UBE2E3: variants seen among roughly 807,000 people sequenced by gnomAD.
UBE2E3 encodes ubiquitin-conjugating enzyme E2 E3.
In UBE2E3, 5 loss-of-function variants were observed where a neutral mutation model predicts 23.6. That is an observed-to-expected ratio of 0.21 (90% CI 0.11 to 0.44). The LOEUF (loss-of-function observed/expected upper bound fraction) is 0.44. Ranked by LOEUF, UBE2E3 falls within the 20% of genes least tolerant of loss-of-function variation. The pLI, the probability that UBE2E3 is intolerant of heterozygous loss-of-function variation, is 0.99. For missense variants in UBE2E3, 81 were observed against 249.8 expected, an observed-to-expected ratio of 0.32 and a Z score of 4.55; for synonymous variants, 78 against 87.5, an observed-to-expected ratio of 0.89 and a Z score of 0.60.
At chr2:180,997,715 T>C (rs1049431146) in intron 3 of UBE2E3, among the ~76,000 whole-genome samples, 5 of 152,176 alleles carry the variant, frequency 3.3e-5, no homozygotes, top group African/African-American at 7.2e-5. Flanking sequence ...AAAAGTCTTA[T>C]GTTGTAGCAA....
chr2:181,042,245 C>A (rs1204411416), intron 3 of UBE2E3, among the ~76,000 whole-genome samples: 3 of 152,198 alleles, frequency 2.0e-5, no homozygotes. Context: ...CTGAGCATTG[C>A]TCAGTCTTTC....
chr2:181,058,810 C>T lies in UBE2E3; in HGVS notation c.378+985C>T, dbSNP rs139362958. 3.0e-3 allele frequency among the ~76,000 whole-genome samples: 448 copies of T among 151,772 alleles called. 3 individuals are homozygous for T. The highest frequency in any genetic ancestry group is 0.01 in the African/African-American group (432 of 41,442). ...AGTAACTTATTGTCTAACAAGGTAA[C>T]GAGTGCCATCTAGTGGTATTTACCC... On this transcript the variant is annotated intron_variant, in intron 4 of 5. Transcript: ENST00000410062.
At chr2:180,989,578 C>T (rs775112626) in intron 3 of UBE2E3, among the ~76,000 whole-genome samples, 135 of 152,204 alleles carry the variant, frequency 8.9e-4, no homozygotes, top group Non-Finnish European at 7.5e-4. Context: ...TTCCTCCATA[C>T]GTGCCAGTGT....
At chr2:181,057,612 C>T (rs1053497310) in intron 3 of UBE2E3, 81 bp from the exon 4 acceptor site, 4 of 1,235,484 alleles carry the variant, frequency 3.2e-6, no homozygotes, top group Non-Finnish European at 4.5e-6. Context: ...GCTAATTTAC[C>T]TTTAACACTT....
chr2:180,993,773 T>G (rs1303400144), intron 3 of UBE2E3, among the ~76,000 whole-genome samples: 2 of 152,194 alleles, frequency 1.3e-5, no homozygotes, highest in Admixed American at 1.3e-4. Flanking sequence ...AGAATCGATC[T>G]CAGAAGATTG....
chr2:181,012,779 A>G (rs1179886480), intron 3 of UBE2E3, among the ~76,000 whole-genome samples: 1 of 152,326 alleles, frequency 6.6e-6, no homozygotes, highest in African/African-American at 2.4e-5. Flanking sequence ...ATTTGGTGGC[A>G]TCACACATTA....
chr2:181,044,066 T>C (rs1242721641), intron 3 of UBE2E3, among the ~76,000 whole-genome samples: 1 of 152,168 alleles, frequency 6.6e-6, no homozygotes, highest in Non-Finnish European at 1.5e-5. Flanking sequence ...TCTTGATACA[T>C]GTGGCTAAGA....
At chr2:180,983,524 A>C (rs1684365465) in intron 2 of UBE2E3, among the ~76,000 whole-genome samples, 1 of 152,260 alleles carries the variant, frequency 6.6e-6, no homozygotes, top group Admixed American at 6.5e-5. Flanking sequence ...TAGAATGTCA[A>C]GTAGTCTTTG....
intron 3 of UBE2E3, among the ~76,000 whole-genome samples, chr2:181,040,476 C>G (rs1201934652): frequency 2.0e-5 from 3 of 152,082 alleles, no homozygotes; most frequent in Non-Finnish European, 4.4e-5. Flanking sequence ...TGCATTTTTT[C>G]ATGGTTGACA....
chr2:181,057,878 G>T, intron 4 of UBE2E3, 53 bp downstream of exon 4: 1 of 1,564,072 alleles, frequency 6.4e-7, no homozygotes, highest in Non-Finnish European at 8.7e-7. Context: ...CTCTAAAATC[G>T]GTTATTCTAG....
chr2:181,014,831 ATTTATC>A (rs945071302), intron 3 of UBE2E3, among the ~76,000 whole-genome samples: 1 of 152,178 alleles, frequency 6.6e-6, no homozygotes, highest in Non-Finnish European at 1.5e-5. Context: ...CATCTCAAAC[ATTTATC>A]TTTATGTTGG....
chr2:181,001,444 C>T (rs1162717981), intron 3 of UBE2E3, among the ~76,000 whole-genome samples: 2 of 152,118 alleles, frequency 1.3e-5, no homozygotes, highest in African/African-American at 4.8e-5. Context: ...CCCACACCCC[C>T]AACTGTGAAT....
At chr2:181,055,135 A>C (rs1473441361) in intron 3 of UBE2E3, among the ~76,000 whole-genome samples, 2 of 151,830 alleles carry the variant, frequency 1.3e-5, no homozygotes, top group Non-Finnish European at 2.9e-5. Flanking sequence ...AGTTCAAGTA[A>C]CAACAGAGGA....
chr2:181,033,443 T>A (rs1306764580), intron 3 of UBE2E3, among the ~76,000 whole-genome samples: 3 of 152,306 alleles, frequency 2.0e-5, no homozygotes, highest in Middle Eastern at 3.4e-3. Flanking sequence ...GATTTCCTAT[T>A]TAATAAATGG....
chr2:181,040,966 A>G (rs1461005555), intron 3 of UBE2E3, among the ~76,000 whole-genome samples: 1 of 152,064 alleles, frequency 6.6e-6, no homozygotes, highest in African/African-American at 2.4e-5. Context: ...GAAATGCTTC[A>G]GGGCCGAGTG....
intron 3 of UBE2E3, among the ~76,000 whole-genome samples, chr2:181,006,453 C>T (rs1685150048): frequency 6.7e-6 from 1 of 149,998 alleles, no homozygotes; most frequent in South Asian, 2.1e-4. Context: ...TCTAGGATGG[C>T]CAGATAAAAT....
At chr2:181,026,993 C>T (rs1685912304) in intron 3 of UBE2E3, among the ~76,000 whole-genome samples, 1 of 151,866 alleles carries the variant, frequency 6.6e-6, no homozygotes, top group African/African-American at 2.4e-5. Context: ...AATATCTCTT[C>T]ATGAAGGTAA....
chr2:181,053,771 A>G (rs995300452), intron 3 of UBE2E3, among the ~76,000 whole-genome samples: 5 of 151,722 alleles, frequency 3.3e-5, no homozygotes, highest in East Asian at 1.9e-4. Flanking sequence ...GGATTTTTAC[A>G]CATATATAGT....
chr2:181,039,343 T>C (rs1686403659), intron 3 of UBE2E3, among the ~76,000 whole-genome samples: 1 of 152,058 alleles, frequency 6.6e-6, no homozygotes, highest in Non-Finnish European at 1.5e-5. Context: ...ATACAATAAA[T>C]GGCTACATTG....
Sources: allele counts gnomAD v4.1 joint callset (sites outside exome capture counted in the v4.1 genomes callset), GRCh38; gene constraint gnomAD v4.1.1; transcripts MANE v1.5; gene names NCBI Gene and HGNC (gene_info 2026-07-23, HGNC 2026-07-21).